NBEA: variants seen among roughly 807,000 people sequenced by gnomAD.
The protein encoded by NBEA is neurobeachin.
Under a neutral mutation model 343.4 loss-of-function variants are expected in NBEA, and 44 were observed. The ratio of observed to expected loss-of-function variants is 0.13; its 90% CI spans 0.10 to 0.16. The LOEUF is 0.16. Among genes scored for constraint, NBEA ranks in the 10% least tolerant of loss-of-function variants. The pLI is 1.00. For missense variants in NBEA, 2,555 were observed against 3,631.3 expected, an observed-to-expected ratio of 0.70 and a Z score of 7.62; for synonymous variants, 1,175 against 1,238.7, an observed-to-expected ratio of 0.95 and a Z score of 1.08.
chr13:35,559,514 A>G (rs901539996), intron 44 of NBEA, among the ~76,000 whole-genome samples: 2 of 152,170 alleles, frequency 1.3e-5, no homozygotes, highest in Non-Finnish European at 2.9e-5. Context: ...AAGCCAAGAC[A>G]TGGTTGGCTT....
At chr13:35,535,724 A>C (rs1346190705) in intron 41 of NBEA, among the ~76,000 whole-genome samples, 1 of 152,206 alleles carries the variant, frequency 6.6e-6, no homozygotes, top group Non-Finnish European at 1.5e-5. Context: ...TGTATTGGGA[A>C]ACTTGCCTGA....
At chr13:35,645,582 G>T (rs1037236144) in intron 49 of NBEA, among the ~76,000 whole-genome samples, 1 of 152,074 alleles carries the variant, frequency 6.6e-6, no homozygotes, top group African/African-American at 2.4e-5. Context: ...TTAGGATACA[G>T]GAAGATTTAT....
intron 10 of NBEA, among the ~76,000 whole-genome samples, chr13:35,071,240 T>C (rs2063857717): frequency 6.6e-6 from 1 of 151,998 alleles, no homozygotes; most frequent in Admixed American, 6.6e-5. Context: ...AAGAATAACA[T>C]TTATTAGCAA....
chr13:35,016,971 G>A (rs553313294), intron 1 of NBEA, among the ~76,000 whole-genome samples: 8 of 152,170 alleles, frequency 5.3e-5, no homozygotes, highest in Non-Finnish European at 7.3e-5. Flanking sequence ...TGGTGAGGTA[G>A]ACATGAGTAA....
chr13:35,143,940 T>C, intron 18 of NBEA, among the ~76,000 whole-genome samples: 1 of 151,638 alleles, frequency 6.6e-6, no homozygotes, highest in Middle Eastern at 3.2e-3. Context: ...ACTTCTCTAA[T>C]ACTGTTTCTT....
chr13:35,321,858 C>T (rs777947879), intron 36 of NBEA, among the ~76,000 whole-genome samples: 5 of 152,168 alleles, frequency 3.3e-5, no homozygotes, highest in South Asian at 4.1e-4. Context: ...CGGAGGGCTC[C>T]GCCCAGTTGA....
intron 45 of NBEA, among the ~76,000 whole-genome samples, chr13:35,573,420 GA>G (rs1375907810): frequency 6.6e-6 from 1 of 152,148 alleles, no homozygotes; most frequent in Non-Finnish European, 1.5e-5. Context: ...GAAGAACCAA[GA>G]AAAGTGCAAC....
intron 21 of NBEA, among the ~76,000 whole-genome samples, chr13:35,158,264 T>C (rs2069315439): frequency 6.6e-6 from 1 of 152,120 alleles, no homozygotes; most frequent in African/African-American, 2.4e-5. Context: ...TGTTAACTTA[T>C]TTAAATATAC....
chr13:35,039,149 G>T (rs1392350748), intron 1 of NBEA, among the ~76,000 whole-genome samples: 2 of 152,096 alleles, frequency 1.3e-5, no homozygotes, highest in Admixed American at 1.3e-4. Context: ...TAGCAAGATG[G>T]CCCCAGGTTC....
At chr13:35,183,712 A>G (rs1033081639) in intron 29 of NBEA, among the ~76,000 whole-genome samples, 1 of 152,048 alleles carries the variant, frequency 6.6e-6, no homozygotes, top group African/African-American at 2.4e-5. Flanking sequence ...TTATATGTAC[A>G]AAAAGTAATA....
At chr13:35,660,501 G>A (rs776566346) in intron 55 of NBEA, among the ~76,000 whole-genome samples, 4 of 152,108 alleles carry the variant, frequency 2.6e-5, no homozygotes, top group Non-Finnish European at 1.5e-5. Context: ...GCTCGTGTAC[G>A]GGCATTATGC....
intron 1 of NBEA, among the ~76,000 whole-genome samples, chr13:34,964,396 C>T (rs192022331): frequency 7.2e-5 from 11 of 151,902 alleles, no homozygotes; most frequent in Admixed American, 7.2e-4. Flanking sequence ...CATAATTTGC[C>T]CCTGCCTGTC....
At chr13:35,139,744 GTT>G (rs36117821) in intron 17 of NBEA, among the ~76,000 whole-genome samples, 211 of 61,046 alleles carry the variant, frequency 3.5e-3, no homozygotes, top group African/African-American at 0.011. Context: ...GATGGATGGC[GTT>G]TTTTTTTTTT....
At chr13:35,169,820 A>G (rs531850263) in intron 25 of NBEA, among the ~76,000 whole-genome samples, 1 of 151,792 alleles carries the variant, frequency 6.6e-6, no homozygotes, top group Admixed American at 6.6e-5. Context: ...TTTTTAATTG[A>G]TATTATGAAG....
At chr13:35,124,688 G>C (rs2067006307) in intron 17 of NBEA, among the ~76,000 whole-genome samples, 1 of 148,928 alleles carries the variant, frequency 6.7e-6, no homozygotes, top group African/African-American at 2.5e-5. Context: ...ACACATGTAT[G>C]GATATATATA....
At chr13:35,069,498 A>G (rs543977378) in intron 8 of NBEA, among the ~76,000 whole-genome samples, 1 of 152,246 alleles carries the variant, frequency 6.6e-6, no homozygotes, top group East Asian at 1.9e-4. Flanking sequence ...TATAGCCTCA[A>G]ATGATAGTCA....
intron 1 of NBEA, among the ~76,000 whole-genome samples, chr13:34,985,404 G>A (rs1235608533): frequency 2.0e-5 from 3 of 150,974 alleles, no homozygotes; most frequent in African/African-American, 7.3e-5. Flanking sequence ...TGATTGTGCT[G>A]AATAAGCTTT....
intron 1 of NBEA, among the ~76,000 whole-genome samples, chr13:35,014,421 C>T (rs999962716): frequency 1.1e-4 from 16 of 152,052 alleles, no homozygotes; most frequent in African/African-American, 3.9e-4. Flanking sequence ...TCACAGTTGT[C>T]TTCTTAGTAG....
At chr13:35,262,687 T>A (rs997234734) in intron 34 of NBEA, among the ~76,000 whole-genome samples, 4 of 152,204 alleles carry the variant, frequency 2.6e-5, no homozygotes, top group Non-Finnish European at 4.4e-5. Context: ...AGGTTAAGAC[T>A]TCCAAGGATT....
Sources: gnomAD v4.1 joint callset for allele counts (sites outside exome capture counted in the v4.1 genomes callset) on GRCh38, gnomAD v4.1.1 for gene constraint, MANE v1.5 for transcripts, NCBI Gene and HGNC (gene_info 2026-07-23, HGNC 2026-07-21) for gene names.